Variants in RGS5 observed in about 807,000 individuals in gnomAD.
The protein encoded by RGS5 is regulator of G protein signaling 5.
In RGS5, 20 loss-of-function variants were observed where a neutral mutation model predicts 18.9. The ratio of observed to expected loss-of-function variants is 1.06; its 90% CI spans 0.74 to 1.54. RGS5 has a LOEUF of 1.54. Ranked by LOEUF, RGS5 falls within the 40% of genes most tolerant of loss-of-function variation. The probability of loss-of-function intolerance (pLI) is 0.00; values close to 1 mark genes in which losing one functional copy is unlikely to be tolerated. For synonymous variants in RGS5, 57 were observed against 76.2 expected (o/e 0.75, Z 1.31); for missense variants, 201 against 211.8 (o/e 0.95, Z 0.32).
At chr1:163,159,258 T>C (rs553470350) in intron 3 of RGS5, among the ~76,000 whole-genome samples, 2 of 152,266 alleles carry the variant, frequency 1.3e-5, no homozygotes, top group South Asian at 4.1e-4. Context: ...TTTATGAAGA[T>C]TACGGGATTA....
At chr1:163,200,365 T>C (rs185068139) in intron 1 of RGS5, among the ~76,000 whole-genome samples, 1 of 152,318 alleles carries the variant, frequency 6.6e-6, no homozygotes, top group East Asian at 1.9e-4. Context: ...TTTGTTGCCC[T>C]AATTTATTTT....
At chr1:163,261,800 G>T (rs1252593463) in intron 2 of RGS5, among the ~76,000 whole-genome samples, 1 of 152,068 alleles carries the variant, frequency 6.6e-6, no homozygotes, top group Non-Finnish European at 1.5e-5. Context: ...AAAGAAAATG[G>T]GAACACATGG....
chr1:163,319,837 T>C (rs1650137235), intron 1 of RGS5, among the ~76,000 whole-genome samples: 1 of 152,182 alleles, frequency 6.6e-6, no homozygotes, highest in Admixed American at 6.5e-5. Context: ...ATAGTCTGTG[T>C]TTTTATGGGT....
intron 1 of RGS5, among the ~76,000 whole-genome samples, chr1:163,192,091 A>G (rs1659383066): frequency 6.6e-6 from 1 of 152,172 alleles, no homozygotes; most frequent in African/African-American, 2.4e-5. Context: ...TATCCTTTGC[A>G]ACTGTATCTT....
At chr1:163,309,116 G>C (rs1649785472) in intron 1 of RGS5, among the ~76,000 whole-genome samples, 1 of 152,188 alleles carries the variant, frequency 6.6e-6, no homozygotes, top group Non-Finnish European at 1.5e-5. Flanking sequence ...TTGGGAGGCT[G>C]AGGCAGGAGG....
chr1:163,226,456 C>T (rs889300212), intron 2 of RGS5, among the ~76,000 whole-genome samples: 1 of 152,060 alleles, frequency 6.6e-6, no homozygotes. Flanking sequence ...TAGCCCATAC[C>T]TTTGAGGAGG....
chr1:163,218,750 G>A (rs542005594), upstream of RGS5, among the ~76,000 whole-genome samples: 33 of 152,246 alleles, frequency 2.2e-4, 1 homozygote, highest in South Asian at 6.8e-3. Context: ...GAGAAACTAT[G>A]GGAAAATAGG....
At chr1:163,309,201 A>T (rs1649787465) in intron 1 of RGS5, among the ~76,000 whole-genome samples, 1 of 152,166 alleles carries the variant, frequency 6.6e-6, no homozygotes, top group African/African-American at 2.4e-5. Flanking sequence ...GGTGACAGAA[A>T]AAAAAGCGGG....
At chr1:163,224,663 T>C (rs1647295756) in intron 2 of RGS5, among the ~76,000 whole-genome samples, 1 of 152,216 alleles carries the variant, frequency 6.6e-6, no homozygotes, top group Non-Finnish European at 1.5e-5. Context: ...TCACCAACAT[T>C]GTATAAGAGT....
At chr1:163,312,178 C>T (rs773785369) in intron 1 of RGS5, among the ~76,000 whole-genome samples, 6 of 152,094 alleles carry the variant, frequency 3.9e-5, no homozygotes, top group Non-Finnish European at 4.4e-5. Flanking sequence ...GGCTCTTCCC[C>T]CTTGGCTTCC....
chr1:163,221,286 T>A (rs1457071732), upstream of RGS5, among the ~76,000 whole-genome samples: 1 of 152,134 alleles, frequency 6.6e-6, no homozygotes, highest in Non-Finnish European at 1.5e-5. Context: ...TCACTTGATA[T>A]CAGGAGTTCG....
intron 2 of RGS5, among the ~76,000 whole-genome samples, chr1:163,253,312 A>G (rs1332361710): frequency 6.6e-6 from 1 of 151,946 alleles, no homozygotes; most frequent in Non-Finnish European, 1.5e-5. Flanking sequence ...TAAGACAGAT[A>G]AGGCCATTTT....
chr1:163,247,447 A>T (rs1308098775), intron 2 of RGS5, among the ~76,000 whole-genome samples: 1 of 152,076 alleles, frequency 6.6e-6, no homozygotes, highest in Non-Finnish European at 1.5e-5. Context: ...GTAATCAGCA[A>T]CTATTAAGAT....
intron 1 of RGS5, among the ~76,000 whole-genome samples, chr1:163,175,461 T>A (rs1658505909): frequency 6.6e-6 from 1 of 152,160 alleles, no homozygotes; most frequent in Non-Finnish European, 1.5e-5. Flanking sequence ...TGAAAACCCT[T>A]AGCGGGAGTA....
intron 2 of RGS5, among the ~76,000 whole-genome samples, chr1:163,231,419 A>C (rs146629654): frequency 6.6e-6 from 1 of 152,274 alleles, no homozygotes; most frequent in Non-Finnish European, 1.5e-5. Flanking sequence ...CATGTTAGGG[A>C]CTAGGAGAGC....
At chr1:163,243,235 G>T (rs1162698247) in intron 2 of RGS5, among the ~76,000 whole-genome samples, 1 of 152,094 alleles carries the variant, frequency 6.6e-6, no homozygotes, top group Non-Finnish European at 1.5e-5. Context: ...AGTGGGAGAT[G>T]AACAGTGAGA....
At chr1:163,167,651 T>C (rs1658111079) in intron 2 of RGS5, among the ~76,000 whole-genome samples, 1 of 152,154 alleles carries the variant, frequency 6.6e-6, no homozygotes, top group Non-Finnish European at 1.5e-5. Context: ...AATTTATGAA[T>C]TGGGAAAAAT....
intron 2 of RGS5, among the ~76,000 whole-genome samples, chr1:163,229,576 T>C (rs963489086): frequency 6.6e-6 from 1 of 152,210 alleles, no homozygotes; most frequent in African/African-American, 2.4e-5. Context: ...TCTGACTCTG[T>C]CTTCTACTCC....
At chr1:163,208,436 T>C (rs1454239050) in intron 1 of RGS5, among the ~76,000 whole-genome samples, 1 of 139,806 alleles carries the variant, frequency 7.2e-6, no homozygotes, top group Non-Finnish European at 1.5e-5. Context: ...GAGGATTACT[T>C]GAGCCCAGGA....
Sources: allele counts gnomAD v4.1 joint callset (sites outside exome capture counted in the v4.1 genomes callset), GRCh38; gene constraint gnomAD v4.1.1; transcripts MANE v1.5; gene names NCBI Gene and HGNC (gene_info 2026-07-23, HGNC 2026-07-21).